SHLD1: variants seen among roughly 807,000 people sequenced by gnomAD.
SHLD1 encodes the protein RINN1-REV7-interacting novel NHEJ regulator 3.
In SHLD1, 3 loss-of-function variants were observed where a neutral mutation model predicts 5.5. The observed-to-expected ratio is 0.54, with a 90% confidence interval of 0.25 to 1.40. The LOEUF is 1.40. Ranked by LOEUF, SHLD1 falls within the 40% of genes most tolerant of loss-of-function variation. SHLD1 has a pLI of 0.15. For synonymous variants in SHLD1, 92 were observed against 94.3 expected, an observed-to-expected ratio of 0.98 and a Z score of 0.14; for missense variants, 210 against 244.4, an observed-to-expected ratio of 0.86 and a Z score of 0.94.
intron 1 of SHLD1, among the ~76,000 whole-genome samples, chr20:5,755,297 C>G (rs1292457552): frequency 6.6e-6 from 1 of 152,138 alleles, no homozygotes; most frequent in Non-Finnish European, 1.5e-5. Context: ...TAGCATTACT[C>G]TCTGAGCTCT....
In SHLD1 at chr20:5,847,776, T is replaced by C. The variant is rs114214383; in HGVS notation, c.179-15248T>C. The stretch of plus-strand genomic sequence containing the variant: ...TGGAGAAACAGGAAAACCCAAACAC[T>C]GCTGGTGGGGGTGTGATTGTTATTC... On this transcript the variant is annotated intron_variant, in intron 2 of 2. Transcript: ENST00000303142. Among the ~76,000 whole-genome samples the C allele has an allele frequency of 6.5e-3, 983 of 152,294 alleles. 12 individuals are homozygous for C. The highest frequency in any genetic ancestry group is 0.023 in the African/African-American group (936 of 41,554).
chr20:5,833,348 G>C (rs1173792388), intron 2 of SHLD1, among the ~76,000 whole-genome samples: 2 of 152,042 alleles, frequency 1.3e-5, no homozygotes, highest in Non-Finnish European at 2.9e-5. Flanking sequence ...AGATTATTTC[G>C]GACTTCCGAA....
rs899440821 is a variant in SHLD1, at chr20:5,827,501, C to T, written c.179-35523C>T. 5.3e-5 allele frequency among the ~76,000 whole-genome samples: 8 copies of T among 152,236 alleles called. No homozygotes were observed. The South Asian group carries it at 1.7e-3, about 32-fold the overall frequency. On this transcript the variant is annotated intron_variant, in intron 2 of 2. Transcript: ENST00000303142. Reference sequence around the variant, plus strand: ...GGCACCCCCAGTCTGCAGCCCCCACCCAGCCTGGAGTCATGGGCCCCCGCA... The same window carrying T: ...GGCACCCCCAGTCTGCAGCCCCCACTCAGCCTGGAGTCATGGGCCCCCGCA...
chr20:5,822,210 C>A (rs2087613801), intron 2 of SHLD1, among the ~76,000 whole-genome samples: 1 of 152,218 alleles, frequency 6.6e-6, no homozygotes, highest in Non-Finnish European at 1.5e-5. Context: ...GTAATCCCAG[C>A]ACTTTGGGAG....
intron 2 of SHLD1, among the ~76,000 whole-genome samples, chr20:5,853,892 G>A (rs1333630310): frequency 6.6e-6 from 1 of 151,452 alleles, no homozygotes; most frequent in African/African-American, 2.4e-5. Flanking sequence ...CTAGGCTGGA[G>A]TGCATGATGT....
At chr20:5,800,386 A>AT (rs1261956018) in intron 2 of SHLD1, among the ~76,000 whole-genome samples, 2 of 152,212 alleles carry the variant, frequency 1.3e-5, no homozygotes, top group Non-Finnish European at 2.9e-5. Context: ...ACTTCTATTT[A>AT]TTTTTTGTAT....
intron 2 of SHLD1, among the ~76,000 whole-genome samples, chr20:5,788,082 A>G (rs6053693): frequency 0.29 from 43,692 of 152,064 alleles, 6,255 homozygotes; most frequent in Middle Eastern, 0.34. Context: ...TTTTTAGCAA[A>G]TATTTCTGTA....
chr20:5,762,624 G>A (rs1175529729), intron 1 of SHLD1, among the ~76,000 whole-genome samples: 1 of 152,062 alleles, frequency 6.6e-6, no homozygotes, highest in East Asian at 1.9e-4. Flanking sequence ...TATTGTGGGG[G>A]AGGCACTTGT....
intron 2 of SHLD1, among the ~76,000 whole-genome samples, chr20:5,844,791 A>ATTTTTTTTT (rs1361285741): frequency 2.0e-5 from 2 of 98,642 alleles, no homozygotes; most frequent in South Asian, 3.0e-4. Flanking sequence ...ATATATATAT[A>ATTTTTTTTT]TATATATATT....
chr20:5,814,169 T>C (rs1475122576), intron 2 of SHLD1, among the ~76,000 whole-genome samples: 1 of 151,982 alleles, frequency 6.6e-6, no homozygotes, highest in Non-Finnish European at 1.5e-5. Context: ...TTGCCAAGGC[T>C]GGTCTTGAAC....
chr20:5,863,003 G>A (rs1310483974), intron 2 of SHLD1, 21 bp from the exon 3 acceptor site: 7 of 1,545,668 alleles, frequency 4.5e-6, no homozygotes, highest in Non-Finnish European at 6.1e-6. Flanking sequence ...TTTGAGTATT[G>A]GAATACGTTT....
Position 5,863,038 on chromosome 20 carries a change from A to G in SHLD1, c.193A>G (p.Asn65Asp), listed in dbSNP as rs766972128. 2 of 1,598,466 alleles carry G rather than the reference A, an allele frequency of 1.3e-6. No individual in the cohort carries two copies. The highest frequency in any genetic ancestry group is 1.1e-5 in the South Asian group (1 of 88,776). ...SDVDPDTSNL[N>D]IEQNNSWTAE... ...TTGTCTTGCAGACACCAGTAACTTA[A>G]ATATAGAACAAAATAACTCCTGGAC... Residue 65 changes from asparagine (N) to aspartate (D), a missense_variant, in exon 3 of 3, where the codon AAT (asparagine) becomes GAT (aspartate). Transcript: ENST00000303142.
intron 2 of SHLD1, among the ~76,000 whole-genome samples, chr20:5,789,955 A>G (rs1232010402): frequency 6.6e-6 from 1 of 152,102 alleles, no homozygotes; most frequent in Non-Finnish European, 1.5e-5. Context: ...GGAAGGGGAG[A>G]TTAATAGGAG....
At chr20:5,849,336 G>C (rs1298672873) in intron 2 of SHLD1, among the ~76,000 whole-genome samples, 2 of 152,194 alleles carry the variant, frequency 1.3e-5, no homozygotes, top group Non-Finnish European at 2.9e-5. Flanking sequence ...GGTTTGTACA[G>C]CTAGGAAGTG....
intron 2 of SHLD1, among the ~76,000 whole-genome samples, chr20:5,824,938 A>T (rs909603888): frequency 6.6e-6 from 1 of 152,210 alleles, no homozygotes; most frequent in Non-Finnish European, 1.5e-5. Flanking sequence ...AGGATGGCTT[A>T]GCTAAACCAT....
chr20:5,825,223 A>T (rs941574979), intron 2 of SHLD1, among the ~76,000 whole-genome samples: 1 of 152,202 alleles, frequency 6.6e-6, no homozygotes, highest in African/African-American at 2.4e-5. Context: ...ATTCTGTCTC[A>T]TCCTGTCTTT....
intron 2 of SHLD1, among the ~76,000 whole-genome samples, chr20:5,797,740 C>T (rs923984672): frequency 1.3e-5 from 2 of 152,184 alleles, no homozygotes; most frequent in Non-Finnish European, 1.5e-5. Context: ...TAATAAGTCA[C>T]ATTTATAATG....
At chr20:5,810,258 GA>G (rs113215634) in intron 2 of SHLD1, among the ~76,000 whole-genome samples, 1,441 of 143,614 alleles carry the variant, frequency 0.01, 16 homozygotes, top group Non-Finnish European at 0.012. Flanking sequence ...CTCTGTCTCG[GA>G]AAAAAAAAAA....
chr20:5,837,134 G>A (rs1450676239), intron 2 of SHLD1, among the ~76,000 whole-genome samples: 1 of 152,144 alleles, frequency 6.6e-6, no homozygotes, highest in Non-Finnish European at 1.5e-5. Flanking sequence ...GGGGTCCTGA[G>A]GAGCTATCGC....
Sources: allele counts gnomAD v4.1 joint callset (sites outside exome capture counted in the v4.1 genomes callset), GRCh38; gene constraint gnomAD v4.1.1; transcripts MANE v1.5; gene names NCBI Gene and HGNC (gene_info 2026-07-23, HGNC 2026-07-21).